UST: variants seen among roughly 807,000 people sequenced by gnomAD.
UST encodes the protein uronyl 2-sulfotransferase.
In UST, 21 loss-of-function variants were observed where a neutral mutation model predicts 45.6. That is an observed-to-expected ratio of 0.46 (90% CI 0.33 to 0.66). The LOEUF (loss-of-function observed/expected upper bound fraction) is 0.66, where lower values mean the gene tolerates loss of function less well. Ranked by LOEUF, UST falls within the 30% of genes least tolerant of loss-of-function variation. The pLI, the probability that UST is intolerant of heterozygous loss-of-function variation, is 0.02. For synonymous variants in UST, 215 were observed against 200.6 expected, an observed-to-expected ratio of 1.07 and a Z score of -0.61; for missense variants, 463 against 512.4, an observed-to-expected ratio of 0.90 and a Z score of 0.93.
intron 5 of UST, among the ~76,000 whole-genome samples, chr6:148,973,076 C>G (rs1292913729): frequency 6.6e-6 from 1 of 152,182 alleles, no homozygotes; most frequent in Non-Finnish European, 1.5e-5. Context: ...CATTTGCCTT[C>G]TTCCCCTTAG....
chr6:148,755,692 A>G (rs1393754272), intron 1 of UST, among the ~76,000 whole-genome samples: 1 of 150,000 alleles, frequency 6.7e-6, no homozygotes, highest in Non-Finnish European at 1.5e-5. Flanking sequence ...AAACTGGATT[A>G]CTGGGGTCCA....
intron 5 of UST, among the ~76,000 whole-genome samples, chr6:148,966,822 C>A (rs1331739685): frequency 6.6e-6 from 1 of 152,194 alleles, no homozygotes; most frequent in Non-Finnish European, 1.5e-5. Flanking sequence ...CTGCAACCTC[C>A]ACCTCCGGGG....
At chr6:148,871,146 C>CTCTCTCTCTCT in intron 1 of UST, among the ~76,000 whole-genome samples, 1 of 134,580 alleles carries the variant, frequency 7.4e-6, no homozygotes, top group Non-Finnish European at 1.6e-5. Context: ...CTCTCTCTCT[C>CTCTCTCTCTCT]CCTCTCTCCC....
intron 5 of UST, among the ~76,000 whole-genome samples, chr6:149,014,502 G>A (rs2115015838): frequency 6.6e-6 from 1 of 152,312 alleles, no homozygotes; most frequent in South Asian, 2.1e-4. Context: ...TATGCGATGT[G>A]GCACCTGAGC....
At chr6:148,837,665 G>T (rs979286675) in intron 1 of UST, among the ~76,000 whole-genome samples, 2 of 151,746 alleles carry the variant, frequency 1.3e-5, no homozygotes, top group Non-Finnish European at 2.9e-5. Flanking sequence ...GTACAGCAGA[G>T]AACAAGAGAT....
chr6:148,965,066 G>C (rs1439787156), intron 5 of UST, among the ~76,000 whole-genome samples: 1 of 152,094 alleles, frequency 6.6e-6, no homozygotes, highest in Non-Finnish European at 1.5e-5. Flanking sequence ...CGACTGTTTC[G>C]GGTTTCCTGC....
chr6:148,930,010 T>C (rs116161440), intron 2 of UST, among the ~76,000 whole-genome samples: 1,809 of 152,216 alleles, frequency 0.012, 29 homozygotes, highest in African/African-American at 0.041. Context: ...CAATAAGAAT[T>C]GGGTAGGTGT....
intron 1 of UST, among the ~76,000 whole-genome samples, chr6:148,844,037 A>G (rs572771050): frequency 2.0e-5 from 3 of 152,316 alleles, no homozygotes; most frequent in South Asian, 2.1e-4. Context: ...GTAAAATACT[A>G]TTTCAAGGAC....
At chr6:148,998,896 G>A (rs1029371843) in intron 5 of UST, among the ~76,000 whole-genome samples, 2 of 152,218 alleles carry the variant, frequency 1.3e-5, no homozygotes, top group African/African-American at 4.8e-5. Flanking sequence ...AACCAAGGCA[G>A]CACTTGCAGC....
At chr6:148,779,280 T>C (rs187913397) in intron 1 of UST, among the ~76,000 whole-genome samples, 216 of 152,334 alleles carry the variant, frequency 1.4e-3, no homozygotes, top group African/African-American at 4.9e-3. Flanking sequence ...AATACAGTCT[T>C]GAGGAGAAGC....
At position 148,946,843 on chromosome 6, in the gene UST, G is replaced by A. The variant is rs976309662; in HGVS notation, c.447+5409G>A. ...AAAAAAAAAAAAAAAAAAAAAAAAA[G>A]GTGCACTCATTCATTTTTACAGCAG... On this transcript the variant is annotated intron_variant, in intron 3 of 7. Transcript: ENST00000367463. Among the ~76,000 whole-genome samples the A allele has an allele frequency of 4.2e-4, 46 of 108,274 alleles. 1 individual carries two copies. The East Asian group carries it at 9.3e-3, about 22-fold the overall frequency. The allele number at this position is 108,274 out of a possible 152,430, so 71.0% of individuals were successfully genotyped here.
At chr6:148,768,415 G>A (rs2114669208) in intron 1 of UST, among the ~76,000 whole-genome samples, 1 of 152,054 alleles carries the variant, frequency 6.6e-6, no homozygotes, top group East Asian at 1.9e-4. Context: ...TAATTTCCTG[G>A]CTTTTTATTT....
intron 1 of UST, among the ~76,000 whole-genome samples, chr6:148,766,110 A>T (rs918223225): frequency 6.6e-6 from 1 of 152,118 alleles, no homozygotes; most frequent in Non-Finnish European, 1.5e-5. Flanking sequence ...AGATGATCGT[A>T]TGGTTTTGGT....
At chr6:148,975,576 A>G (rs1016563975) in intron 5 of UST, among the ~76,000 whole-genome samples, 2 of 152,272 alleles carry the variant, frequency 1.3e-5, no homozygotes, top group Non-Finnish European at 2.9e-5. Context: ...TTTAAATGTA[A>G]TATTAGCTAT....
chr6:148,771,168 G>C (rs1198482958), intron 1 of UST, among the ~76,000 whole-genome samples: 1 of 152,160 alleles, frequency 6.6e-6, no homozygotes, highest in African/African-American at 2.4e-5. Flanking sequence ...TTATGTTTCA[G>C]TTATTTCAAT....
At chr6:148,823,457 G>A (rs1777504986) in intron 1 of UST, among the ~76,000 whole-genome samples, 1 of 152,312 alleles carries the variant, frequency 6.6e-6, no homozygotes. Flanking sequence ...TTGCCCTCCT[G>A]TGTTTTAAGC....
intron 2 of UST, among the ~76,000 whole-genome samples, chr6:148,924,642 G>T (rs1299304006): frequency 1.3e-5 from 2 of 152,156 alleles, no homozygotes; most frequent in African/African-American, 4.8e-5. Flanking sequence ...CGTTAGTGTG[G>T]GGGGACACTC....
At chr6:148,785,281 C>G (rs2114694868) in intron 1 of UST, among the ~76,000 whole-genome samples, 1 of 151,852 alleles carries the variant, frequency 6.6e-6, no homozygotes, top group Admixed American at 6.5e-5. Flanking sequence ...TGTCACACTT[C>G]ATGTTATGTA....
In UST at chr6:149,075,304, GTT is replaced by G. The variant is rs1468360664; in HGVS notation, c.*1191_*1192del. ...ACTTCTAGTTCCCTAAGAGGTACCT[GTT>G]TTCAGTAAAAAGGGGTCCTGAGTTC... On this transcript the variant is annotated 3_prime_UTR_variant, in exon 8 of 8. Transcript: ENST00000367463. 1 of 152,204 alleles carries G rather than the reference GTT, an allele frequency of 6.6e-6. No homozygotes were observed. The highest frequency in any genetic ancestry group is 2.4e-5 in the African/African-American group (1 of 41,434). The allele number at this position is 152,204 out of a possible 1,614,324, so 9.4% of individuals were successfully genotyped here. A position where few individuals can be genotyped will look rare whatever the true frequency, so the allele number is the denominator to read the frequency against.
Sources: allele counts gnomAD v4.1 joint callset (sites outside exome capture counted in the v4.1 genomes callset), GRCh38; gene constraint gnomAD v4.1.1; transcripts MANE v1.5; gene names NCBI Gene and HGNC (gene_info 2026-07-23, HGNC 2026-07-21).